CTNNA2: variants seen among roughly 807,000 people sequenced by gnomAD.
CTNNA2 encodes catenin alpha-2.
In CTNNA2, 42 loss-of-function variants were observed where a neutral mutation model predicts 101.0. That is an observed-to-expected ratio of 0.42 (90% CI 0.32 to 0.54). The LOEUF (loss-of-function observed/expected upper bound fraction) is 0.54, where lower values mean the gene tolerates loss of function less well. CTNNA2 is among the 20% of genes least tolerant of loss of function. The pLI, the probability that CTNNA2 is intolerant of heterozygous loss-of-function variation, is 0.14. For synonymous variants in CTNNA2, 450 were observed against 456.4 expected (o/e 0.99, Z 0.18); for missense variants, 871 against 1,223.1 (o/e 0.71, Z 4.29).
chr2:79,972,394 C>A (rs1690546937), intron 7 of CTNNA2, among the ~76,000 whole-genome samples: 2 of 152,094 alleles, frequency 1.3e-5, no homozygotes, highest in African/African-American at 4.8e-5. Flanking sequence ...AAACATGCTG[C>A]ACATTGGAAA....
At chr2:79,662,420 T>C (rs1236428320) in intron 2 of CTNNA2, among the ~76,000 whole-genome samples, 1 of 152,184 alleles carries the variant, frequency 6.6e-6, no homozygotes, top group Admixed American at 6.5e-5. Flanking sequence ...TATCTTTATG[T>C]GCTTGAAATG....
At chr2:80,364,450 CTT>C (rs911945049) in intron 7 of CTNNA2, among the ~76,000 whole-genome samples, 12 of 151,814 alleles carry the variant, frequency 7.9e-5, no homozygotes, top group Non-Finnish European at 1.8e-4. Context: ...AATATAAACT[CTT>C]TGCCTTATTT....
At chr2:80,255,032 A>G (rs1343507154) in intron 7 of CTNNA2, among the ~76,000 whole-genome samples, 1 of 152,108 alleles carries the variant, frequency 6.6e-6, no homozygotes, top group Non-Finnish European at 1.5e-5. Flanking sequence ...GAGCAGGTCT[A>G]GGGGGATGAA....
intron 3 of CTNNA2, among the ~76,000 whole-genome samples, chr2:79,361,845 C>A (rs1179522001): frequency 6.6e-6 from 1 of 152,122 alleles, no homozygotes; most frequent in Non-Finnish European, 1.5e-5. Flanking sequence ...TCACGTTTTT[C>A]TGACTGCTTT....
chr2:79,200,729 G>A (rs1674023147), intron 2 of CTNNA2, among the ~76,000 whole-genome samples: 1 of 151,954 alleles, frequency 6.6e-6, no homozygotes, highest in African/African-American at 2.4e-5. Flanking sequence ...AACAAACCAT[G>A]AAGGCCTTTT....
intron 3 of CTNNA2, among the ~76,000 whole-genome samples, chr2:79,752,864 C>A (rs1287154346): frequency 6.6e-6 from 1 of 152,044 alleles, no homozygotes; most frequent in Non-Finnish European, 1.5e-5. Flanking sequence ...GAGAAGGAGC[C>A]ATAATTATAA....
chr2:79,693,188 G>A (rs1334448071), intron 2 of CTNNA2, among the ~76,000 whole-genome samples: 2 of 151,908 alleles, frequency 1.3e-5, no homozygotes, highest in Non-Finnish European at 1.5e-5. Flanking sequence ...AAGTTAAAAT[G>A]TGTGGGAAGA....
At chr2:79,471,152 T>C (rs940509941) in intron 4 of CTNNA2, among the ~76,000 whole-genome samples, 2 of 152,210 alleles carry the variant, frequency 1.3e-5, no homozygotes, top group Non-Finnish European at 2.9e-5. Context: ...CCTAGCCTTC[T>C]TCACATGGCA....
intron 2 of CTNNA2, among the ~76,000 whole-genome samples, chr2:79,684,703 G>A (rs1402112409): frequency 6.6e-6 from 1 of 152,154 alleles, no homozygotes; most frequent in Non-Finnish European, 1.5e-5. Context: ...AATTGTTTTG[G>A]AGACGGCATA....
intron 7 of CTNNA2, among the ~76,000 whole-genome samples, chr2:80,103,244 A>T (rs1700658866): frequency 6.6e-6 from 1 of 152,066 alleles, no homozygotes; most frequent in South Asian, 2.1e-4. Flanking sequence ...GTGTCAGAAA[A>T]TCTGGTTTCT....
Position 79,646,004 on chromosome 2 carries a change from A to T in CTNNA2, c.-5-5548A>T, listed in dbSNP as rs1406540420. Among the ~76,000 whole-genome samples the T allele has an allele frequency of 2.6e-5, 4 of 152,206 alleles. No homozygotes were observed. In the East Asian group the frequency reaches 7.7e-4, roughly 29 times the overall value. ...GTGCCCAGTATTGGTGAAGAAAAAA[A>T]TTCATGAGGAGAATCTGAAGCTGGA... is the stretch of plus-strand genomic sequence containing the variant. On this transcript the variant is annotated intron_variant, in intron 1 of 18. Coordinates refer to ENST00000402739, the MANE Select transcript of CTNNA2 (RefSeq NM_001282597.3).
chr2:79,758,808 A>G (rs1037038196), intron 3 of CTNNA2, among the ~76,000 whole-genome samples: 16 of 152,244 alleles, frequency 1.1e-4, no homozygotes, highest in African/African-American at 2.9e-4. Context: ...AGTATTTGCT[A>G]TTGTTTAGGT....
At chr2:79,872,916 A>T (rs887057291) in intron 5 of CTNNA2, among the ~76,000 whole-genome samples, 1 of 152,196 alleles carries the variant, frequency 6.6e-6, no homozygotes, top group African/African-American at 2.4e-5. Context: ...CTGCTTTAAC[A>T]TTTCTGAAAA....
At chr2:79,237,677 G>C (rs1484696534) in intron 2 of CTNNA2, among the ~76,000 whole-genome samples, 1 of 152,146 alleles carries the variant, frequency 6.6e-6, no homozygotes, top group East Asian at 1.9e-4. Flanking sequence ...ATAAATTACA[G>C]ACACTTCTAC....
intron 7 of CTNNA2, among the ~76,000 whole-genome samples, chr2:80,115,752 G>A (rs1035243681): frequency 6.6e-6 from 1 of 152,150 alleles, no homozygotes; most frequent in Non-Finnish European, 1.5e-5. Context: ...ACGTGGAAGG[G>A]CAAGGTTCTG....
chr2:79,474,096 A>C (rs1553413874), intron 4 of CTNNA2, among the ~76,000 whole-genome samples: 2 of 152,174 alleles, frequency 1.3e-5, no homozygotes, highest in Non-Finnish European at 2.9e-5. Flanking sequence ...AAAGCAAAAA[A>C]AGTAGCAACT....
intron 1 of CTNNA2, among the ~76,000 whole-genome samples, chr2:79,533,571 T>C (rs1314305253): frequency 6.6e-6 from 1 of 152,136 alleles, no homozygotes; most frequent in Non-Finnish European, 1.5e-5. Context: ...TATACAATTT[T>C]GTAATTGTGT....
At chr2:80,177,103 A>G (rs1307509317) in intron 7 of CTNNA2, among the ~76,000 whole-genome samples, 4 of 152,154 alleles carry the variant, frequency 2.6e-5, no homozygotes, top group East Asian at 1.9e-4. Flanking sequence ...TTACCATTCT[A>G]TCAGTCCAGC....
chr2:79,674,305 G>A (rs1042677222), intron 2 of CTNNA2, among the ~76,000 whole-genome samples: 1 of 152,170 alleles, frequency 6.6e-6, no homozygotes, highest in African/African-American at 2.4e-5. Flanking sequence ...TCTTTTGAGA[G>A]AAGGTCACAG....
Sources: gnomAD v4.1 joint callset for allele counts (sites outside exome capture counted in the v4.1 genomes callset) on GRCh38, gnomAD v4.1.1 for gene constraint, MANE v1.5 for transcripts, NCBI Gene and HGNC (gene_info 2026-07-23, HGNC 2026-07-21) for gene names.